Variants in GRM8 observed in about 807,000 individuals in gnomAD.
GRM8 encodes the protein glutamate metabotropic receptor 8.
In GRM8, 47 loss-of-function variants were observed where a neutral mutation model predicts 87.2. The ratio of observed to expected loss-of-function variants is 0.54; its 90% CI spans 0.43 to 0.69. The LOEUF (loss-of-function observed/expected upper bound fraction) is 0.69. Among genes scored for constraint, GRM8 ranks in the 30% least tolerant of loss-of-function variants. The pLI is 0.00. For synonymous variants in GRM8, 396 were observed against 404.5 expected (o/e 0.98, Z 0.25); for missense variants, 1,019 against 1,139.2 (o/e 0.89, Z 1.52).
At chr7:126,586,170 C>T (rs9690259) in intron 8 of GRM8, among the ~76,000 whole-genome samples, 2,499 of 151,320 alleles carry the variant, frequency 0.017, 38 homozygotes, top group Middle Eastern at 0.027. Flanking sequence ...CACTGCTCAA[C>T]GAAAAAAAAG....
intron 6 of GRM8, among the ~76,000 whole-genome samples, chr7:126,788,409 C>CAAAAAAAAAAAAAAAAAAAAAAAA (rs67131936): frequency 8.3e-4 from 9 of 10,782 alleles, no homozygotes; most frequent in Admixed American, 1.5e-3. Flanking sequence ...GACTCCATCT[C>CAAAAAAAAAAAAAAAAAAAAAAAA]AAAAAAAAAA....
intron 7 of GRM8, among the ~76,000 whole-genome samples, chr7:126,663,515 C>T (rs569981329): frequency 6.6e-6 from 1 of 152,208 alleles, no homozygotes; most frequent in South Asian, 2.1e-4. Context: ...TGCGATTCAC[C>T]ACAGAAACAG....
At chr7:127,026,319 G>A (rs1816775675) in intron 3 of GRM8, among the ~76,000 whole-genome samples, 2 of 152,120 alleles carry the variant, frequency 1.3e-5, no homozygotes, top group East Asian at 1.9e-4. Context: ...ACGTGTGCAT[G>A]TGTCTTTATA....
At chr7:126,621,107 T>A (rs1458674080) in intron 7 of GRM8, among the ~76,000 whole-genome samples, 1 of 152,222 alleles carries the variant, frequency 6.6e-6, no homozygotes, top group Non-Finnish European at 1.5e-5. Flanking sequence ...AGTAGCAATT[T>A]TCAACAGTGT....
intron 6 of GRM8, among the ~76,000 whole-genome samples, chr7:126,902,115 A>C (rs1176272194): frequency 6.6e-6 from 1 of 152,242 alleles, no homozygotes; most frequent in East Asian, 1.9e-4. Context: ...GCAGGATTTA[A>C]GAAAATAATA....
At chr7:126,745,441 G>A (rs1025865719) in intron 7 of GRM8, among the ~76,000 whole-genome samples, 3 of 95,184 alleles carry the variant, frequency 3.2e-5, no homozygotes, top group African/African-American at 6.3e-5. Flanking sequence ...GTGTGTGTGT[G>A]ACGTGTGTGT....
At chr7:127,218,793 T>G (rs1796733018) in intron 2 of GRM8, among the ~76,000 whole-genome samples, 1 of 152,226 alleles carries the variant, frequency 6.6e-6, no homozygotes, top group African/African-American at 2.4e-5. Context: ...AGATAAAGTA[T>G]GGCACATTAT....
rs1432699009 is a variant in GRM8 at position 126,439,225 on chromosome 7, A to G, written c.2678-57T>C. 8.3e-6 allele frequency: 8 copies of G among 963,916 alleles called. No homozygotes were observed. The East Asian group carries it at 1.7e-4, about 20-fold the overall frequency. The allele number at this position is 963,916 out of a possible 1,614,324, so 59.7% of individuals were successfully genotyped here. A position where few individuals can be genotyped will look rare whatever the true frequency, so the allele number is the denominator to read the frequency against. On this transcript the variant is annotated intron_variant, in intron 10 of 10. Coordinates refer to ENST00000339582, the MANE Select transcript of GRM8 (RefSeq NM_000845.3). ...GTATATAATAATACATCCTTTTGTT[A>G]ATATGATTTTAAAATTCAAGTCCTG... is the stretch of plus-strand genomic sequence containing the variant.
chr7:127,205,430 C>T (rs985526299), intron 2 of GRM8, among the ~76,000 whole-genome samples: 9 of 152,176 alleles, frequency 5.9e-5, no homozygotes, highest in African/African-American at 2.2e-4. Context: ...AATTTGAGGG[C>T]ACTATCAGAT....
chr7:127,174,285 T>C (rs1411498406), intron 2 of GRM8, among the ~76,000 whole-genome samples: 2 of 152,140 alleles, frequency 1.3e-5, no homozygotes, highest in Non-Finnish European at 2.9e-5. Context: ...GCAGCCATGC[T>C]AGGAAGTAGG....
intron 6 of GRM8, among the ~76,000 whole-genome samples, chr7:126,891,539 C>G (rs1423202967): frequency 1.3e-5 from 2 of 151,998 alleles, no homozygotes; most frequent in Non-Finnish European, 2.9e-5. Context: ...TACTCTCTTC[C>G]TATCCCCCTC....
At chr7:126,624,965 A>G (rs530685211) in intron 7 of GRM8, among the ~76,000 whole-genome samples, 1 of 152,310 alleles carries the variant, frequency 6.6e-6, no homozygotes, top group Admixed American at 6.5e-5. Context: ...CTTTAGCATA[A>G]TTGTGTGAGT....
chr7:126,611,432 CATAGT>C (rs2151105948), intron 7 of GRM8, among the ~76,000 whole-genome samples: 1 of 152,234 alleles, frequency 6.6e-6, no homozygotes, highest in East Asian at 1.9e-4. Context: ...CACACCAACA[CATAGT>C]AATAGAAAGG....
chr7:126,610,534 T>G (rs1030770224), intron 7 of GRM8, among the ~76,000 whole-genome samples: 6 of 152,340 alleles, frequency 3.9e-5, no homozygotes, highest in African/African-American at 1.4e-4. Context: ...TGTCTCATAC[T>G]GTATTCTCCA....
intron 2 of GRM8, among the ~76,000 whole-genome samples, chr7:127,109,356 C>T (rs199722598): frequency 2.6e-5 from 4 of 152,166 alleles, no homozygotes; most frequent in Admixed American, 2.6e-4. Context: ...TTATAAGCCT[C>T]TGTTAACTCC....
rs565087006 is a variant in GRM8, at chr7:126,471,003, C to T, written c.2431-24631G>A. 4.6e-5 allele frequency among the ~76,000 whole-genome samples: 7 copies of T among 152,306 alleles called. 1 individual carries two copies. Among genetic ancestry groups the T allele is most frequent in the African/African-American group, 1.4e-4 (6 of 41,556 alleles). ...ATAAATGTCTTCTTTTGAGAAGTGTCTGCTCATGTCCTTCGCCCACTTTTT... is the reference window on the plus strand; with the variant it reads ...ATAAATGTCTTCTTTTGAGAAGTGTTTGCTCATGTCCTTCGCCCACTTTTT... On this transcript the variant is annotated intron_variant, in intron 9 of 10. Coordinates refer to ENST00000339582, the MANE Select transcript of GRM8 (RefSeq NM_000845.3).
chr7:126,732,848 C>T (rs1813753076), intron 7 of GRM8, among the ~76,000 whole-genome samples: 1 of 151,992 alleles, frequency 6.6e-6, no homozygotes. Flanking sequence ...TAAAAAAATC[C>T]TGTTTAGTTT....
At chr7:126,516,669 A>C (rs916276759) in intron 9 of GRM8, among the ~76,000 whole-genome samples, 1 of 152,150 alleles carries the variant, frequency 6.6e-6, no homozygotes, top group African/African-American at 2.4e-5. Context: ...ACTTTAAATT[A>C]GTGTAATATT....
chr7:126,860,155 A>G lies in GRM8; in HGVS notation c.1156+42387T>C, dbSNP rs12667377. On this transcript the variant is annotated intron_variant, in intron 6 of 10. Transcript: ENST00000339582. ...AGTTTATGATGGAGCCTAGATTCCTATCCAGATTATAAATTCATTTTCTGA... is the reference window on the plus strand; with the variant it reads ...AGTTTATGATGGAGCCTAGATTCCTGTCCAGATTATAAATTCATTTTCTGA... Among the ~76,000 whole-genome samples, 1,110 of 152,314 alleles carry G rather than the reference A, an allele frequency of 7.3e-3. 26 individuals carry two copies. Among genetic ancestry groups the G allele is most frequent in the East Asian group, 0.069 (356 of 5,180 alleles).
Sources: allele counts gnomAD v4.1 joint callset (sites outside exome capture counted in the v4.1 genomes callset), GRCh38; gene constraint gnomAD v4.1.1; transcripts MANE v1.5; gene names NCBI Gene and HGNC (gene_info 2026-07-23, HGNC 2026-07-21).